Variants in INTS7 observed in about 807,000 individuals in gnomAD.
The protein encoded by INTS7 is integrator complex subunit 7, also known as chromosome 1 open reading frame 73.
INTS7 carries 46 observed loss-of-function variants against 109.2 expected under a neutral mutation model. That is an observed-to-expected ratio of 0.42 (90% CI 0.33 to 0.54). The LOEUF is 0.54. Ranked by LOEUF, INTS7 falls within the 20% of genes least tolerant of loss-of-function variation. INTS7 has a pLI of 0.07. For missense variants in INTS7, 929 were observed against 1,132.4 expected (o/e 0.82, Z 2.58); for synonymous variants, 412 against 402.9 (o/e 1.02, Z -0.27).
intron 4 of INTS7, among the ~76,000 whole-genome samples, chr1:212,016,376 C>G (rs1004894797): frequency 3.9e-5 from 6 of 152,118 alleles, no homozygotes; most frequent in African/African-American, 1.4e-4. Context: ...GTAATAAAAC[C>G]ATGGTCAACA....
chr1:211,964,758 C>T (rs548471622), intron 16 of INTS7, among the ~76,000 whole-genome samples: 3 of 152,120 alleles, frequency 2.0e-5, no homozygotes, highest in Admixed American at 1.3e-4. Context: ...CTGGGATAAC[C>T]GATGTCATAT....
chr1:211,968,184 A>C (rs1398785396), intron 14 of INTS7, among the ~76,000 whole-genome samples: 1 of 152,038 alleles, frequency 6.6e-6, no homozygotes, highest in African/African-American at 2.4e-5. Flanking sequence ...TGTTCACAAG[A>C]TTATTATATA....
chr1:211,970,553 A>G (rs1305028915), intron 13 of INTS7, among the ~76,000 whole-genome samples: 10 of 152,244 alleles, frequency 6.6e-5, no homozygotes, highest in Non-Finnish European at 1.3e-4. Context: ...TATTGACCTT[A>G]GCAAACAAAA....
chr1:212,029,794 T>C (rs892355746), intron 1 of INTS7, among the ~76,000 whole-genome samples: 1 of 152,186 alleles, frequency 6.6e-6, no homozygotes, highest in African/African-American at 2.4e-5. Context: ...TCTTAAAATC[T>C]ATACATTAAT....
intron 4 of INTS7, 41 bp downstream of exon 4, chr1:212,016,845 G>T (rs1287136014): frequency 1.3e-6 from 2 of 1,551,474 alleles, no homozygotes; most frequent in Non-Finnish European, 1.7e-6. Context: ...TTTTTCTTGG[G>T]AAGCCAAATT....
chr1:211,994,274 G>T (rs1665272824), intron 7 of INTS7, among the ~76,000 whole-genome samples: 1 of 152,078 alleles, frequency 6.6e-6, no homozygotes, highest in Non-Finnish European at 1.5e-5. Flanking sequence ...TATTACTTTA[G>T]AAAAGGTTAA....
chr1:211,957,141 G>T (rs896803372), intron 16 of INTS7, among the ~76,000 whole-genome samples: 1 of 152,144 alleles, frequency 6.6e-6, no homozygotes, highest in Non-Finnish European at 1.5e-5. Flanking sequence ...GTATCTCATT[G>T]TGATTTTAAT....
At chr1:212,011,713 T>G in intron 4 of INTS7, 1 of 296,760 alleles carries the variant, frequency 3.4e-6, no homozygotes. Flanking sequence ...AATTATTTTG[T>G]GTTTATATAA....
rs541487383 is a variant in INTS7 at position 212,002,078 on chromosome 1, A to G, written c.879+4561T>C. 1.8e-4 allele frequency among the ~76,000 whole-genome samples: 27 copies of G among 152,350 alleles called. 1 individual carries two copies. In the South Asian group the frequency reaches 5.4e-3, roughly 30 times the overall value. On this transcript the variant is annotated intron_variant, in intron 7 of 19. Transcript: ENST00000366994. ...GAAGTAAACTCTTGATCTTCAAGAA[A>G]TGAGTCTCCCAGAGTCTTGCCCATT...
At chr1:211,987,806 T>C in intron 8 of INTS7, 80 bp downstream of exon 8, 1 of 761,388 alleles carries the variant, frequency 1.3e-6, no homozygotes, top group Non-Finnish European at 2.1e-6. Context: ...TAAAGCTTTA[T>C]AGAAGAAACA....
intron 15 of INTS7, among the ~76,000 whole-genome samples, chr1:211,966,715 G>A (rs1309945408): frequency 6.6e-6 from 1 of 152,080 alleles, no homozygotes; most frequent in South Asian, 2.1e-4. Flanking sequence ...AGGGTACTTC[G>A]GAGGCTACTA....
chr1:212,025,259 T>G (rs1315572799), intron 1 of INTS7, among the ~76,000 whole-genome samples: 1 of 152,170 alleles, frequency 6.6e-6, no homozygotes, highest in African/African-American at 2.4e-5. Flanking sequence ...TATCATTCTA[T>G]TTTATATGAC....
At chr1:211,954,277 T>C (rs1004723190) in intron 16 of INTS7, among the ~76,000 whole-genome samples, 1 of 152,218 alleles carries the variant, frequency 6.6e-6, no homozygotes, top group Non-Finnish European at 1.5e-5. Flanking sequence ...TTGGAGTTCA[T>C]TGTAGATTCT....
intron 3 of INTS7, among the ~76,000 whole-genome samples, chr1:212,018,763 C>A (rs1045491064): frequency 6.6e-6 from 1 of 152,260 alleles, no homozygotes; most frequent in East Asian, 1.9e-4. Flanking sequence ...AGACTCACAA[C>A]TCACTTTACT....
chr1:211,976,754 T>C, intron 11 of INTS7, 35 bp from the exon 12 acceptor site: 1 of 1,609,938 alleles, frequency 6.2e-7, no homozygotes, highest in Non-Finnish European at 8.5e-7. Flanking sequence ...AAGAAAATCA[T>C]TTAATTTTAT....
At chr1:211,974,298 T>TAC (rs1664321121) in intron 13 of INTS7, among the ~76,000 whole-genome samples, 2 of 137,916 alleles carry the variant, frequency 1.5e-5, no homozygotes, top group South Asian at 4.6e-4. Context: ...TATATATATA[T>TAC]ATATATATAT....
intron 7 of INTS7, among the ~76,000 whole-genome samples, chr1:212,005,480 T>C (rs1665862042): frequency 6.6e-6 from 1 of 152,240 alleles, no homozygotes; most frequent in African/African-American, 2.4e-5. Flanking sequence ...ACATTTTACA[T>C]ACTTTTCTCA....
chr1:212,020,383 ATTAT>A, intron 2 of INTS7, 115 bp from the exon 3 acceptor site: 1 of 692,472 alleles, frequency 1.4e-6, no homozygotes, highest in Non-Finnish European at 2.3e-6. Flanking sequence ...CAATCTTAAC[ATTAT>A]TTGTTTAACT....
At chr1:211,964,416 A>G (rs1484860505) in intron 16 of INTS7, among the ~76,000 whole-genome samples, 2 of 152,228 alleles carry the variant, frequency 1.3e-5, no homozygotes, top group East Asian at 3.8e-4. Flanking sequence ...TATAGATTCA[A>G]TGCTATTCCT....
Sources: allele counts gnomAD v4.1 joint callset (sites outside exome capture counted in the v4.1 genomes callset), GRCh38; gene constraint gnomAD v4.1.1; transcripts MANE v1.5; gene names NCBI Gene and HGNC (gene_info 2026-07-23, HGNC 2026-07-21).